The following NEBL variants were observed in gnomAD, a reference collection of about 807,000 sequenced individuals.
NEBL encodes the protein nebulette, also known as LIM and SH3 protein 2.
A neutral mutation model predicts 140.2 loss-of-function variants in NEBL; 122 were observed. The observed-to-expected ratio is 0.87, with a 90% CI of 0.75 to 1.01. The LOEUF is 1.01. NEBL is among the 50% of genes least tolerant of loss of function. The pLI, the probability that NEBL is intolerant of heterozygous loss-of-function variation, is 0.00. For synonymous variants in NEBL, 436 were observed against 398.9 expected (o/e 1.09, Z -1.11); for missense variants, 1,365 against 1,231.3 (o/e 1.11, Z -1.62).
chr10:21,159,787 A>G (rs1589296485), intron 2 of NEBL, among the ~76,000 whole-genome samples: 1 of 152,090 alleles, frequency 6.6e-6, no homozygotes, highest in Admixed American at 6.6e-5. Context: ...CTTTTAGCAT[A>G]CCAAGCCTCT....
chr10:21,115,441 G>A (rs1309657225), intron 2 of NEBL, among the ~76,000 whole-genome samples: 1 of 151,892 alleles, frequency 6.6e-6, no homozygotes, highest in Non-Finnish European at 1.5e-5. Flanking sequence ...TGGTCAGCTG[G>A]TGACAAATTC....
At chr10:21,106,903 T>A (rs918856650) in intron 2 of NEBL, among the ~76,000 whole-genome samples, 2 of 152,166 alleles carry the variant, frequency 1.3e-5, no homozygotes, top group Non-Finnish European at 2.9e-5. Flanking sequence ...GTCCTTCACA[T>A]CCCTTGTAAG....
At chr10:21,178,720 T>C (rs1346562636), upstream of NEBL, among the ~76,000 whole-genome samples, 1 of 152,228 alleles carries the variant, frequency 6.6e-6, no homozygotes, top group Admixed American at 6.5e-5. Context: ...CATTCCTTGG[T>C]AGATGACATA....
At chr10:21,013,283 G>T (rs1033656795) in intron 3 of NEBL, among the ~76,000 whole-genome samples, 1 of 152,032 alleles carries the variant, frequency 6.6e-6, no homozygotes, top group Non-Finnish European at 1.5e-5. Flanking sequence ...TATCATTTAC[G>T]TTGCCTCAAA....
In NEBL at chr10:20,785,678, T is replaced by A; in HGVS notation, c.*69A>T. 1 of 1,514,220 alleles carries A rather than the reference T, an allele frequency of 6.6e-7. No homozygotes were observed. The highest frequency in any genetic ancestry group is 9.0e-7 in the Non-Finnish European group (1 of 1,107,742). 93.8% of individuals were successfully genotyped at this position (1,514,220 alleles called of 1,614,324 possible). ...TAATGGCCAAGTTGTCTTAAAAGTA[T>A]CTTCTATCTTTTAAAAAGATTAGGT... On this transcript the variant is annotated 3_prime_UTR_variant, in exon 28 of 28. Coordinates refer to ENST00000377122, the MANE Select transcript of NEBL (RefSeq NM_006393.3).
chr10:21,270,192 C>T (rs1296164596), intron 1 of NEBL, among the ~76,000 whole-genome samples: 1 of 152,144 alleles, frequency 6.6e-6, no homozygotes, highest in Non-Finnish European at 1.5e-5. Context: ...TCTGTCATCC[C>T]TCTGTGAGAA....
intron 3 of NEBL, among the ~76,000 whole-genome samples, chr10:20,972,366 A>G (rs1836610154): frequency 6.6e-6 from 1 of 152,206 alleles, no homozygotes. Flanking sequence ...TTCTATAACA[A>G]GACATAATTC....
At chr10:21,265,452 T>C (rs1269393863) in intron 1 of NEBL, among the ~76,000 whole-genome samples, 2 of 152,204 alleles carry the variant, frequency 1.3e-5, no homozygotes, top group Non-Finnish European at 2.9e-5. Flanking sequence ...GTGAGCACCA[T>C]CATACCCCAA....
intron 3 of NEBL, among the ~76,000 whole-genome samples, chr10:21,231,234 CAT>C (rs1564546634): frequency 6.6e-6 from 1 of 152,110 alleles, no homozygotes; most frequent in African/African-American, 2.4e-5. Flanking sequence ...GACAAGCAAA[CAT>C]GTGCTGTGAA....
At chr10:20,804,808 A>G (rs1440665217) in intron 26 of NEBL, among the ~76,000 whole-genome samples, 1 of 152,210 alleles carries the variant, frequency 6.6e-6, no homozygotes, top group Non-Finnish European at 1.5e-5. Context: ...CTTGTACGCA[A>G]TGATGAAAAT....
At chr10:21,264,886 C>T (rs962669253) in intron 1 of NEBL, among the ~76,000 whole-genome samples, 59 of 151,786 alleles carry the variant, frequency 3.9e-4, no homozygotes, top group African/African-American at 1.3e-3. Flanking sequence ...TGCATCCTCA[C>T]GTGACAATAG....
chr10:21,146,341 C>A, intron 2 of NEBL: 1 of 1,609,804 alleles, frequency 6.2e-7, no homozygotes, highest in Non-Finnish European at 8.5e-7. Flanking sequence ...ACATACTCTA[C>A]CTGTTCATGT....
intron 2 of NEBL, among the ~76,000 whole-genome samples, chr10:21,048,259 T>C (rs1204960549): frequency 1.3e-5 from 2 of 152,128 alleles, no homozygotes; most frequent in South Asian, 2.1e-4. Context: ...TCAGTGTAAT[T>C]TGTTTATTGA....
intron 4 of NEBL, among the ~76,000 whole-genome samples, chr10:20,930,752 C>A (rs1220850743): frequency 6.6e-6 from 1 of 152,184 alleles, no homozygotes; most frequent in Non-Finnish European, 1.5e-5. Context: ...GAGACAAAAT[C>A]TTCCTTACAA....
At chr10:20,911,097 G>GA (rs1848313709) in intron 4 of NEBL, among the ~76,000 whole-genome samples, 1 of 152,110 alleles carries the variant, frequency 6.6e-6, no homozygotes, top group Admixed American at 6.6e-5. Context: ...CTGGGAGGTG[G>GA]AGGTTGCAGT....
At chr10:21,095,007 A>G (rs1211465863) in intron 2 of NEBL, among the ~76,000 whole-genome samples, 3 of 152,216 alleles carry the variant, frequency 2.0e-5, no homozygotes, top group African/African-American at 7.2e-5. Context: ...ATAGTAGTGT[A>G]TTCAAAATCT....
intron 2 of NEBL, among the ~76,000 whole-genome samples, chr10:21,162,289 C>G (rs1840589206): frequency 6.6e-6 from 1 of 152,174 alleles, no homozygotes; most frequent in African/African-American, 2.4e-5. Context: ...TATGCTAAAA[C>G]AATCATCTTA....
chr10:20,961,795 A>T (rs763957994), intron 3 of NEBL: 1 of 1,588,512 alleles, frequency 6.3e-7, no homozygotes, highest in East Asian at 2.2e-5. Flanking sequence ...AAGAAGGGGG[A>T]AAAGAAAAGT....
chr10:21,218,718 C>G (rs184538989), intron 3 of NEBL, among the ~76,000 whole-genome samples: 1 of 152,056 alleles, frequency 6.6e-6, no homozygotes, highest in East Asian at 1.9e-4. Context: ...TGGGAGGTCA[C>G]AGAAAAGAAG....
Sources: gnomAD v4.1 joint callset for allele counts (sites outside exome capture counted in the v4.1 genomes callset) on GRCh38, gnomAD v4.1.1 for gene constraint, MANE v1.5 for transcripts, NCBI Gene and HGNC (gene_info 2026-07-23, HGNC 2026-07-21) for gene names.